Variants in ZNRF1 observed in about 807,000 individuals in gnomAD.
The protein encoded by ZNRF1 is zinc and ring finger 1.
Under a neutral mutation model 18.4 loss-of-function variants are expected in ZNRF1, and 3 were observed. The ratio of observed to expected loss-of-function variants is 0.16; its 90% CI spans 0.07 to 0.42. The LOEUF (loss-of-function observed/expected upper bound fraction) is 0.42, where lower values mean the gene tolerates loss of function less well. ZNRF1 is among the 10% of genes least tolerant of loss of function. The probability of loss-of-function intolerance (pLI) is 0.99; values close to 1 mark genes in which losing one functional copy is unlikely to be tolerated. For synonymous variants in ZNRF1, 157 were observed against 144.2 expected, an observed-to-expected ratio of 1.09 and a Z score of -0.64; for missense variants, 310 against 329.8, an observed-to-expected ratio of 0.94 and a Z score of 0.47.
At chr16:75,014,936 G>A (rs2035047956) in intron 1 of ZNRF1, among the ~76,000 whole-genome samples, 2 of 151,852 alleles carry the variant, frequency 1.3e-5, no homozygotes, top group Admixed American at 6.6e-5. Context: ...TTTAATCATT[G>A]TGTTTCTTCT....
At chr16:75,080,350 A>G (rs1216681413) in intron 1 of ZNRF1, among the ~76,000 whole-genome samples, 17 of 152,328 alleles carry the variant, frequency 1.1e-4, no homozygotes. Context: ...AACTGATGTA[A>G]GTTATACAGT....
intron 1 of ZNRF1, among the ~76,000 whole-genome samples, chr16:75,041,985 A>G (rs1354684040): frequency 6.6e-6 from 1 of 152,126 alleles, no homozygotes; most frequent in African/African-American, 2.4e-5. Context: ...AACAAGAGCA[A>G]AACTCCGTCT....
At chr16:75,050,346 C>T (rs1356899643) in intron 1 of ZNRF1, among the ~76,000 whole-genome samples, 3 of 151,888 alleles carry the variant, frequency 2.0e-5, no homozygotes, top group East Asian at 3.9e-4. Flanking sequence ...GGCAACATGG[C>T]AAAACCCTGT....
chr16:75,032,001 C>G (rs2035311394), intron 1 of ZNRF1, among the ~76,000 whole-genome samples: 1 of 151,518 alleles, frequency 6.6e-6, no homozygotes, highest in South Asian at 2.1e-4. Flanking sequence ...TTTTCCAACA[C>G]TTATTATTAC....
At chr16:75,016,699 C>CT (rs35899706) in intron 1 of ZNRF1, among the ~76,000 whole-genome samples, 33,639 of 99,426 alleles carry the variant, frequency 0.34, 7,491 homozygotes, top group East Asian at 0.61. Flanking sequence ...CCATGCCTGG[C>CT]TTTTTTTTTT....
chr16:75,012,728 C>T (rs1048986588), intron 1 of ZNRF1, among the ~76,000 whole-genome samples: 1 of 152,190 alleles, frequency 6.6e-6, no homozygotes, highest in Non-Finnish European at 1.5e-5. Flanking sequence ...TCATTATTTA[C>T]AGTTTCTCGG....
At chr16:75,049,740 T>G (rs2035566519) in intron 1 of ZNRF1, among the ~76,000 whole-genome samples, 1 of 152,190 alleles carries the variant, frequency 6.6e-6, no homozygotes, top group Non-Finnish European at 1.5e-5. Context: ...CAGTGGTACA[T>G]CCTACATAAT....
chr16:75,073,970 A>C (rs564962838), intron 1 of ZNRF1, among the ~76,000 whole-genome samples: 1 of 152,208 alleles, frequency 6.6e-6, no homozygotes, highest in South Asian at 2.1e-4. Context: ...AGGTTGCTTA[A>C]AATACCCTAA....
At chr16:75,006,295 G>A (rs1157960221) in intron 1 of ZNRF1, among the ~76,000 whole-genome samples, 1 of 152,196 alleles carries the variant, frequency 6.6e-6, no homozygotes, top group Non-Finnish European at 1.5e-5. Context: ...GGAAGTGGTG[G>A]TAACTTAAAT....
At chr16:75,029,450 C>A (rs541978034) in intron 1 of ZNRF1, among the ~76,000 whole-genome samples, 1 of 152,052 alleles carries the variant, frequency 6.6e-6, no homozygotes, top group Non-Finnish European at 1.5e-5. Context: ...GCCCGGCTGA[C>A]CTTTTCTTAA....
At chr16:75,084,934 T>C (rs977044247) in intron 1 of ZNRF1, among the ~76,000 whole-genome samples, 2 of 152,248 alleles carry the variant, frequency 1.3e-5, no homozygotes, top group East Asian at 3.8e-4. Flanking sequence ...TCTTTGTTTC[T>C]GTTCATTTCA....
At chr16:75,094,811 G>A (rs971502420) in intron 2 of ZNRF1, among the ~76,000 whole-genome samples, 13 of 152,120 alleles carry the variant, frequency 8.5e-5, no homozygotes, top group African/African-American at 2.9e-4. Flanking sequence ...ATCAGAAAAC[G>A]GCATCTTCCA....
intron 1 of ZNRF1, among the ~76,000 whole-genome samples, chr16:75,005,319 T>A (rs955132659): frequency 1.3e-5 from 2 of 152,252 alleles, no homozygotes; most frequent in African/African-American, 4.8e-5. Context: ...CTCTTGCTTA[T>A]TGAGGTTTGA....
chr16:75,004,281 A>G (rs1048083567), intron 1 of ZNRF1, among the ~76,000 whole-genome samples: 1 of 152,166 alleles, frequency 6.6e-6, no homozygotes, highest in Non-Finnish European at 1.5e-5. Context: ...ATAGAAGCAG[A>G]GTGACTCCCT....
At chr16:75,068,393 C>T (rs1207331093) in intron 1 of ZNRF1, among the ~76,000 whole-genome samples, 1 of 151,916 alleles carries the variant, frequency 6.6e-6, no homozygotes, top group African/African-American at 2.4e-5. Context: ...TAACCCTGGC[C>T]TGGCCAGGGT....
At chr16:75,073,357 C>G (rs951364552) in intron 1 of ZNRF1, among the ~76,000 whole-genome samples, 2 of 151,738 alleles carry the variant, frequency 1.3e-5, no homozygotes, top group African/African-American at 2.4e-5. Context: ...TGAGTTAATG[C>G]TATTACATGT....
chr16:75,103,375 C>G (rs916017789), intron 2 of ZNRF1, among the ~76,000 whole-genome samples: 1 of 152,134 alleles, frequency 6.6e-6, no homozygotes, highest in Non-Finnish European at 1.5e-5. Flanking sequence ...ACATTCACAA[C>G]CCCCATCTTT....
At chr16:75,058,483 G>C (rs1405546941) in intron 1 of ZNRF1, among the ~76,000 whole-genome samples, 1 of 152,160 alleles carries the variant, frequency 6.6e-6, no homozygotes, top group African/African-American at 2.4e-5. Flanking sequence ...AGGAACTAAG[G>C]AGAATAACAG....
chr16:75,058,193 G>A (rs969326578), intron 1 of ZNRF1, among the ~76,000 whole-genome samples: 3 of 149,306 alleles, frequency 2.0e-5, no homozygotes, highest in South Asian at 4.2e-4. Context: ...GGCTGATCTC[G>A]AACTCCTGGT....
Sources: allele counts gnomAD v4.1 joint callset (sites outside exome capture counted in the v4.1 genomes callset), GRCh38; gene constraint gnomAD v4.1.1; transcripts MANE v1.5; gene names NCBI Gene and HGNC (gene_info 2026-07-23, HGNC 2026-07-21).